L3MBTL4: variants seen among roughly 807,000 people sequenced by gnomAD.
L3MBTL4 encodes the protein L3MBTL histone methyl-lysine binding protein 4, also known as lethal(3)malignant brain tumor-like protein 4.
L3MBTL4 carries 70 observed loss-of-function variants against 84.5 expected under a neutral mutation model. That is an observed-to-expected ratio of 0.83 (90% CI 0.68 to 1.01). L3MBTL4 has a LOEUF of 1.01. Ranked by LOEUF, L3MBTL4 falls within the 50% of genes least tolerant of loss-of-function variation. The pLI, the probability that L3MBTL4 is intolerant of heterozygous loss-of-function variation, is 0.00. For synonymous variants in L3MBTL4, 274 were observed against 259.8 expected (o/e 1.05, Z -0.52); for missense variants, 715 against 754.8 (o/e 0.95, Z 0.62).
intron 1 of L3MBTL4, among the ~76,000 whole-genome samples, chr18:6,338,904 T>A (rs189067418): frequency 1.1e-3 from 161 of 152,232 alleles, no homozygotes; most frequent in African/African-American, 3.8e-3. Context: ...ACCAAATACT[T>A]TTTAAAAGAA....
Position 6,311,494 on chromosome 18 carries a change from A to G in L3MBTL4, c.72+60T>C, listed in dbSNP as rs112692016. ...GTGGTTATGTGAACTCTACTATTCC[A>G]TGGTGCATTTTGGTAGCGATCACAC... is the stretch of plus-strand genomic sequence containing the variant. On this transcript the variant is annotated intron_variant, in intron 3 of 18. Transcript: ENST00000317931. The G allele has an allele frequency of 2.4e-3, 3,276 of 1,381,280 alleles. 61 individuals are homozygous for G. The African/African-American group carries it at 0.04, about 17-fold the overall frequency. 85.6% of individuals were successfully genotyped at this position (1,381,280 alleles called of 1,614,324 possible).
At chr18:5,996,441 T>C (rs2053971385) in intron 16 of L3MBTL4, among the ~76,000 whole-genome samples, 1 of 152,236 alleles carries the variant, frequency 6.6e-6, no homozygotes, top group Non-Finnish European at 1.5e-5. Context: ...TTTTTGTTTT[T>C]GTTTTCCAAA....
chr18:6,285,799 T>G (rs1475196708), intron 4 of L3MBTL4, among the ~76,000 whole-genome samples: 1 of 144,624 alleles, frequency 6.9e-6, no homozygotes, highest in African/African-American at 2.7e-5. Context: ...AATGAACTTT[T>G]TTAAAAGATA....
intron 13 of L3MBTL4, among the ~76,000 whole-genome samples, chr18:6,170,281 G>C (rs1363135811): frequency 6.6e-6 from 1 of 152,090 alleles, no homozygotes; most frequent in Admixed American, 6.6e-5. Flanking sequence ...CAGACTACAG[G>C]CCACATTCTG....
chr18:6,245,526 A>G (rs1244168609), intron 5 of L3MBTL4, among the ~76,000 whole-genome samples: 3 of 151,816 alleles, frequency 2.0e-5, no homozygotes, highest in African/African-American at 7.3e-5. Flanking sequence ...ATTATTTTCT[A>G]TACATTCTAC....
In L3MBTL4 at chr18:6,213,230, C is replaced by A; in HGVS notation, c.900G>T (p.Met300Ile). 1 of 1,609,796 alleles carries A rather than the reference C, an allele frequency of 6.2e-7. No individual in the cohort carries two copies. The highest frequency in any genetic ancestry group is 2.2e-5 in the East Asian group (1 of 44,760). The change falls in exon 12 of 19, where the codon ATG becomes ATT. Residue 300 changes from methionine to isoleucine, a missense_variant. By Grantham distance (10) the Met-to-Ile change is conservative. Coordinates refer to ENST00000317931, the MANE Select transcript of L3MBTL4 (RefSeq NM_001330559.2). ...MRLPHGFLPN[M>I]KLEVVDKRNP... ...TCCGTTTATCCACAACTTCAAGTTT[C>A]ATATTTGGCAGAAAACCATGAGGCA...
chr18:6,193,057 C>T (rs746688104), intron 12 of L3MBTL4, among the ~76,000 whole-genome samples: 2 of 151,652 alleles, frequency 1.3e-5, no homozygotes, highest in South Asian at 2.1e-4. Flanking sequence ...AAAAAGATGG[C>T]GGTGGTCAGA....
chr18:6,337,064 G>T (rs1027760630), intron 1 of L3MBTL4, among the ~76,000 whole-genome samples: 1 of 152,068 alleles, frequency 6.6e-6, no homozygotes, highest in Non-Finnish European at 1.5e-5. Context: ...GCAGTAATCT[G>T]CATAACAAGT....
At chr18:6,095,354 T>G (rs796740942) in intron 14 of L3MBTL4, among the ~76,000 whole-genome samples, 3 of 147,402 alleles carry the variant, frequency 2.0e-5, no homozygotes, top group East Asian at 3.9e-4. Context: ...TGGTTTTTTT[T>G]TTTTTTTTTT....
At chr18:6,071,752 A>G (rs1392553129) in intron 16 of L3MBTL4, among the ~76,000 whole-genome samples, 11 of 84,844 alleles carry the variant, frequency 1.3e-4, no homozygotes, top group African/African-American at 2.5e-4. Context: ...AAGGAAAGAA[A>G]GAAAGAAAAA....
intron 16 of L3MBTL4, among the ~76,000 whole-genome samples, chr18:5,986,855 G>A (rs922752675): frequency 8.5e-5 from 13 of 152,228 alleles, no homozygotes; most frequent in Admixed American, 6.5e-5. Context: ...CATTTTTTAA[G>A]AGGCTTCACA....
chr18:6,220,861 GT>G (rs1410324055), intron 10 of L3MBTL4, among the ~76,000 whole-genome samples: 1 of 152,086 alleles, frequency 6.6e-6, no homozygotes, highest in Non-Finnish European at 1.5e-5. Context: ...CTGATACAAA[GT>G]TTTTTGCCTG....
intron 4 of L3MBTL4, among the ~76,000 whole-genome samples, chr18:6,290,279 T>G (rs1485046395): frequency 2.0e-5 from 3 of 152,026 alleles, no homozygotes; most frequent in Non-Finnish European, 2.9e-5. Flanking sequence ...GAAGGGTTTT[T>G]TTTTTTTTTT....
chr18:6,395,651 T>C (rs2055241703), intron 1 of L3MBTL4: 1 of 152,132 alleles, frequency 6.6e-6, no homozygotes, highest in Non-Finnish European at 1.5e-5. Context: ...ATTTGAAAAG[T>C]TGAGGTAACT....
intron 13 of L3MBTL4, among the ~76,000 whole-genome samples, chr18:6,164,403 C>T (rs1455786571): frequency 6.6e-6 from 1 of 152,194 alleles, no homozygotes; most frequent in Admixed American, 6.5e-5. Context: ...CCCTGACCCC[C>T]GAGTAGCCTA....
intron 3 of L3MBTL4, among the ~76,000 whole-genome samples, chr18:6,307,576 T>C (rs989520674): frequency 5.9e-5 from 9 of 152,170 alleles, no homozygotes; most frequent in Non-Finnish European, 1.3e-4. Context: ...AGACTCAAGC[T>C]CCCGATGACT....
chr18:6,072,698 A>ACAC (rs112211329), intron 16 of L3MBTL4, among the ~76,000 whole-genome samples: 2 of 59,468 alleles, frequency 3.4e-5, no homozygotes, highest in Non-Finnish European at 6.5e-5. Context: ...ACACACACAC[A>ACAC]AAAAAAAATT....
chr18:6,024,067 G>A (rs371402653), intron 16 of L3MBTL4, among the ~76,000 whole-genome samples: 12 of 152,030 alleles, frequency 7.9e-5, no homozygotes, highest in South Asian at 2.1e-4. Flanking sequence ...AGTAGACACC[G>A]GGTTTCACCA....
intron 1 of L3MBTL4, among the ~76,000 whole-genome samples, chr18:6,407,259 C>A (rs72879999): frequency 0.016 from 2,410 of 152,288 alleles, 27 homozygotes; most frequent in Middle Eastern, 0.12. Context: ...GAAGTGGGGA[C>A]GCTCCTTCGA....
Sources: allele counts gnomAD v4.1 joint callset (sites outside exome capture counted in the v4.1 genomes callset), GRCh38; gene constraint gnomAD v4.1.1; transcripts MANE v1.5; gene names NCBI Gene and HGNC (gene_info 2026-07-23, HGNC 2026-07-21).